The following ASIC2 variants were observed in gnomAD, a reference collection of about 807,000 sequenced individuals.
ASIC2 encodes the protein acid-sensing ion channel 2.
ASIC2 carries 25 observed loss-of-function variants against 57.3 expected under a neutral mutation model. That is an observed-to-expected ratio of 0.44 (90% CI 0.32 to 0.61). ASIC2 has a LOEUF of 0.61. ASIC2 is among the 20% of genes least tolerant of loss of function. The pLI is 0.06. For synonymous variants in ASIC2, 319 were observed against 307.5 expected, an observed-to-expected ratio of 1.04 and a Z score of -0.39; for missense variants, 641 against 738.1, an observed-to-expected ratio of 0.87 and a Z score of 1.52.
At chr17:33,613,296 G>C (rs1420323625) in intron 1 of ASIC2, among the ~76,000 whole-genome samples, 1 of 151,326 alleles carries the variant, frequency 6.6e-6, no homozygotes. Context: ...CAGTGCCTCT[G>C]CTCAAAACTG....
At chr17:33,550,604 A>G (rs992543613) in intron 1 of ASIC2, among the ~76,000 whole-genome samples, 1 of 152,212 alleles carries the variant, frequency 6.6e-6, no homozygotes, top group Non-Finnish European at 1.5e-5. Context: ...TGTCTATATC[A>G]CCTACTGGCT....
chr17:33,722,845 C>A (rs1242391388), intron 1 of ASIC2, among the ~76,000 whole-genome samples: 1 of 152,162 alleles, frequency 6.6e-6, no homozygotes, highest in Non-Finnish European at 1.5e-5. Flanking sequence ...TCTTACTACT[C>A]CTCAGGAAAG....
chr17:33,758,917 CAAAA>C (rs56232795), intron 1 of ASIC2, among the ~76,000 whole-genome samples: 48,153 of 141,884 alleles, frequency 0.34, 9,840 homozygotes, highest in Non-Finnish European at 0.49. Context: ...AAGCTAATAC[CAAAA>C]AAAAAAAAAA....
chr17:34,090,094 G>A (rs998305857), intron 1 of ASIC2, among the ~76,000 whole-genome samples: 1 of 152,134 alleles, frequency 6.6e-6, no homozygotes, highest in African/African-American at 2.4e-5. Flanking sequence ...CAGCTGGAAG[G>A]GTCTTCACAG....
intron 1 of ASIC2, among the ~76,000 whole-genome samples, chr17:33,360,660 C>T (rs1254746673): frequency 6.6e-6 from 1 of 152,188 alleles, no homozygotes; most frequent in Non-Finnish European, 1.5e-5. Flanking sequence ...AACTTTTAGC[C>T]TTGGCCATTT....
chr17:33,526,730 A>G (rs1010649278), intron 1 of ASIC2, among the ~76,000 whole-genome samples: 2 of 151,562 alleles, frequency 1.3e-5, no homozygotes, highest in Non-Finnish European at 2.9e-5. Context: ...TGAGAGATGG[A>G]AAGTCCGCCA....
intron 1 of ASIC2, among the ~76,000 whole-genome samples, chr17:33,409,726 T>C (rs527426395): frequency 9.9e-5 from 15 of 152,204 alleles, no homozygotes; most frequent in Non-Finnish European, 1.6e-4. Flanking sequence ...CCATTTGTCT[T>C]ATGTGTGGGG....
chr17:33,035,626 C>T (rs2091905944), intron 3 of ASIC2, among the ~76,000 whole-genome samples: 1 of 152,202 alleles, frequency 6.6e-6, no homozygotes, highest in Non-Finnish European at 1.5e-5. Context: ...TAAGGAACAA[C>T]ACTTCTGGGT....
At chr17:33,601,074 A>G (rs1905106082) in intron 1 of ASIC2, among the ~76,000 whole-genome samples, 1 of 152,200 alleles carries the variant, frequency 6.6e-6, no homozygotes, top group African/African-American at 2.4e-5. Flanking sequence ...AAATGAGAGA[A>G]GAGAGAAATA....
intron 1 of ASIC2, among the ~76,000 whole-genome samples, chr17:33,478,917 C>T (rs1165700876): frequency 6.6e-6 from 1 of 152,198 alleles, no homozygotes; most frequent in Admixed American, 6.5e-5. Flanking sequence ...AGAAAACTTT[C>T]ATGTTCAGGT....
chr17:33,684,444 A>T (rs1908116166), intron 1 of ASIC2, among the ~76,000 whole-genome samples: 1 of 151,928 alleles, frequency 6.6e-6, no homozygotes, highest in Non-Finnish European at 1.5e-5. Context: ...TCTTTGCAGG[A>T]CATCATGAAA....
chr17:33,165,813 G>A (rs1226346414), intron 1 of ASIC2, among the ~76,000 whole-genome samples: 1 of 152,106 alleles, frequency 6.6e-6, no homozygotes, highest in African/African-American at 2.4e-5. Flanking sequence ...TTAATGTAAG[G>A]ACTTACTGAG....
chr17:33,186,778 A>G (rs1390731389), intron 1 of ASIC2, among the ~76,000 whole-genome samples: 4 of 152,184 alleles, frequency 2.6e-5, no homozygotes, highest in African/African-American at 9.7e-5. Flanking sequence ...CGACCATTCT[A>G]TGGTCGTTTG....
intron 1 of ASIC2, among the ~76,000 whole-genome samples, chr17:33,385,822 C>T (rs1909654892): frequency 6.6e-6 from 1 of 152,248 alleles, no homozygotes; most frequent in East Asian, 1.9e-4. Context: ...GTGGAATGGG[C>T]AGAGGAATCC....
At chr17:33,652,635 C>T (rs1042505982) in intron 1 of ASIC2, among the ~76,000 whole-genome samples, 1 of 152,212 alleles carries the variant, frequency 6.6e-6, no homozygotes, top group South Asian at 2.1e-4. Flanking sequence ...CTGCTATTTG[C>T]TTTCCTGCTG....
intron 1 of ASIC2, among the ~76,000 whole-genome samples, chr17:33,115,729 A>G (rs1011317831): frequency 8.5e-5 from 13 of 152,140 alleles, no homozygotes; most frequent in Non-Finnish European, 1.9e-4. Flanking sequence ...TTTCCATTAT[A>G]GTGTCTATCA....
At chr17:33,697,749 C>G (rs1041867452) in intron 1 of ASIC2, among the ~76,000 whole-genome samples, 11 of 152,180 alleles carry the variant, frequency 7.2e-5, no homozygotes, top group African/African-American at 2.4e-4. Context: ...ACCTATGATT[C>G]ACACACCACA....
intron 1 of ASIC2, among the ~76,000 whole-genome samples, chr17:33,622,311 AAAGAAACTTCTGTCGGGAC>A (rs1905826955): frequency 6.6e-6 from 1 of 152,200 alleles, no homozygotes; most frequent in Admixed American, 6.5e-5. Context: ...AGGAAAGCAT[AAAGAAACTTCTGTCGGGAC>A]TAGGCTTTAG....
intron 1 of ASIC2, among the ~76,000 whole-genome samples, chr17:34,010,585 A>G (rs982791905): frequency 3.9e-5 from 6 of 152,152 alleles, no homozygotes; most frequent in African/African-American, 1.4e-4. Context: ...CACATGCCCT[A>G]TGATGTGATT....
Sources: allele counts gnomAD v4.1 joint callset (sites outside exome capture counted in the v4.1 genomes callset), GRCh38; gene constraint gnomAD v4.1.1; transcripts MANE v1.5; gene names NCBI Gene and HGNC (gene_info 2026-07-23, HGNC 2026-07-21).